CFAP54: variants seen among roughly 807,000 people sequenced by gnomAD.
CFAP54 encodes cilia- and flagella-associated protein 54.
A neutral mutation model predicts 370.4 loss-of-function variants in CFAP54; 290 were observed. That is an observed-to-expected ratio of 0.78 (90% confidence interval 0.71 to 0.86). The LOEUF (loss-of-function observed/expected upper bound fraction) is 0.86. Ranked by LOEUF, CFAP54 falls within the 40% of genes least tolerant of loss-of-function variation. The pLI, the probability that CFAP54 is intolerant of heterozygous loss-of-function variation, is 0.00. For missense variants in CFAP54, 3,399 were observed against 3,528.7 expected, an observed-to-expected ratio of 0.96 and a Z score of 0.93; for synonymous variants, 1,206 against 1,236.5, an observed-to-expected ratio of 0.98 and a Z score of 0.52.
chr12:96,557,018 T>C (rs1023866381), intron 17 of CFAP54, among the ~76,000 whole-genome samples: 16 of 152,156 alleles, frequency 1.1e-4, no homozygotes, highest in Admixed American at 6.6e-5. Context: ...AGTTTATCTA[T>C]GCAACAAACC....
intron 48 of CFAP54, among the ~76,000 whole-genome samples, chr12:96,715,003 T>C (rs200268801): frequency 6.6e-6 from 1 of 152,144 alleles, no homozygotes; most frequent in East Asian, 1.9e-4. Flanking sequence ...GCAGAGTGTA[T>C]AGGTTCACAT....
intron 28 of CFAP54, among the ~76,000 whole-genome samples, chr12:96,624,552 G>A (rs1005694584): frequency 6.6e-6 from 1 of 152,138 alleles, no homozygotes; most frequent in Non-Finnish European, 1.5e-5. Context: ...AGCCTGGAAG[G>A]TTACTTGGGA....
Position 96,744,142 on chromosome 12 carries a change from A to C in CFAP54, c.7680A>C (p.Arg2560Ser). The C allele has an allele frequency of 6.2e-7, 1 of 1,603,804 alleles. No homozygotes were observed. ...HVMLLAKIKM[R>S]IGHTVAKQVY... ...TGTTATTGGCCAAAATAAAAATGAG[A>C]ATTGGTAAGAACATTTAAACTTATA... Residue 2560 changes from arginine to serine, a missense_variant, in exon 55 of 68, where the codon AGA becomes AGC. This residue lies in a region of CFAP54 where 2,796 missense variants were observed against 2,869.7 expected (regional missense o/e 0.97). Transcript: ENST00000524981.
At chr12:96,668,916 G>A (rs2136531491) in intron 39 of CFAP54, among the ~76,000 whole-genome samples, 1 of 152,296 alleles carries the variant, frequency 6.6e-6, no homozygotes, top group Non-Finnish European at 1.5e-5. Flanking sequence ...TAGTCATTCA[G>A]CAAACATTTA....
intron 44 of CFAP54, among the ~76,000 whole-genome samples, chr12:96,692,303 T>C (rs1328937728): frequency 6.6e-6 from 1 of 152,218 alleles, no homozygotes; most frequent in East Asian, 1.9e-4. Context: ...AAGGGATTCA[T>C]TTCTGGGTTG....
intron 48 of CFAP54, among the ~76,000 whole-genome samples, chr12:96,716,032 C>T (rs369225006): frequency 1.3e-5 from 2 of 152,200 alleles, no homozygotes; most frequent in Non-Finnish European, 2.9e-5. Flanking sequence ...CAGCAGGTGA[C>T]ATCACCTCAC....
At chr12:96,631,561 C>A (rs1956607944) in intron 32 of CFAP54, among the ~76,000 whole-genome samples, 1 of 150,826 alleles carries the variant, frequency 6.6e-6, no homozygotes, top group South Asian at 2.1e-4. Context: ...AATTTCACTG[C>A]TGAATGGTAT....
At chr12:96,564,037 G>A (rs529560171) in intron 17 of CFAP54, among the ~76,000 whole-genome samples, 35 of 152,274 alleles carry the variant, frequency 2.3e-4, no homozygotes, top group African/African-American at 7.9e-4. Context: ...GGAGGTCTTC[G>A]TGTGTTACCC....
intron 39 of CFAP54, among the ~76,000 whole-genome samples, chr12:96,668,468 A>T (rs1957105786): frequency 6.6e-6 from 1 of 152,172 alleles, no homozygotes; most frequent in Non-Finnish European, 1.5e-5. Context: ...CAGGCAAGAG[A>T]GTGTGTGCAG....
In CFAP54 at chr12:96,718,526, A is replaced by C; in HGVS notation, c.6804+4A>C. On this transcript the variant is annotated splice_donor_region_variant and intron_variant, in intron 49 of 67. Transcript: ENST00000524981. The stretch of plus-strand genomic sequence containing the variant: ...GATCACTCTTAGCATGCTAAAGGTA[A>C]GTTTGAAACTGTTTTCAAACCATTA... 1.3e-6 allele frequency: 2 copies of C among 1,535,542 alleles called. No homozygotes were observed. Among genetic ancestry groups the C allele is most frequent in the African/African-American group, 2.7e-5 (2 of 72,942 alleles).
chr12:96,770,918 A>T (rs1214149746), intron 60 of CFAP54, among the ~76,000 whole-genome samples: 1 of 152,266 alleles, frequency 6.6e-6, no homozygotes, highest in Non-Finnish European at 1.5e-5. Flanking sequence ...AGGAACTTAA[A>T]ATGCAGAATT....
rs60264480 is a variant in CFAP54, at chr12:96,822,002, T to C, written c.9096+4089T>C. On this transcript the variant is annotated intron_variant, in intron 65 of 67. Coordinates refer to ENST00000524981, the MANE Select transcript of CFAP54 (RefSeq NM_001306084.2). ...ATCTTGTTTTCTTCTTCACTCCCTTTTATGTATATCCCCCCAAAACCCTAG... is the reference window on the plus strand; with the variant it reads ...ATCTTGTTTTCTTCTTCACTCCCTTCTATGTATATCCCCCCAAAACCCTAG... Among the ~76,000 whole-genome samples the C allele has an allele frequency of 3.4e-3, 511 of 152,282 alleles. 6 individuals carry two copies. Among genetic ancestry groups the C allele is most frequent in the African/African-American group, 0.011 (476 of 41,562 alleles).
intron 30 of CFAP54, among the ~76,000 whole-genome samples, chr12:96,628,209 A>G (rs1010103410): frequency 6.6e-6 from 1 of 152,260 alleles, no homozygotes; most frequent in Non-Finnish European, 1.5e-5. Context: ...TAAGTGACAC[A>G]TGGCTGTATA....
Position 96,728,327 on chromosome 12 carries a change from A to ATTT in CFAP54, c.6965+7763_6965+7765dup, listed in dbSNP as rs548661364. On this transcript the variant is annotated intron_variant, in intron 50 of 67. Transcript: ENST00000524981. The stretch of plus-strand genomic sequence containing the variant: ...TTTCAGGTACACCAATCAGATGCAG[A>ATTT]TTTGGTGTTTTCACATAGTCCCATA... 3.8e-3 allele frequency among the ~76,000 whole-genome samples: 579 copies of ATTT among 152,250 alleles called. 4 individuals carry two copies. The highest frequency in any genetic ancestry group is 0.013 in the African/African-American group (557 of 41,544).
Position 96,546,191 on chromosome 12 carries a change from C to A in CFAP54, c.2078-1711C>A, listed in dbSNP as rs571228748. On this transcript the variant is annotated intron_variant, in intron 14 of 67. Coordinates refer to ENST00000524981, the MANE Select transcript of CFAP54 (RefSeq NM_001306084.2). ...GGACTGAGTCCTCAATCTGTGTGAT[C>A]TGACTCTATCTGCAAGGTAGTGTTG... Among the ~76,000 whole-genome samples the A allele has an allele frequency of 9.2e-5, 14 of 152,230 alleles. No individual in the cohort carries two copies. In the East Asian group the frequency reaches 2.7e-3, roughly 29 times the overall value.
chr12:96,697,573 T>A (rs1957450534), intron 45 of CFAP54, among the ~76,000 whole-genome samples: 1 of 152,216 alleles, frequency 6.6e-6, no homozygotes, highest in Admixed American at 6.5e-5. Context: ...TAGCCCACCT[T>A]TTTATTTCTT....
At chr12:96,575,713 T>C (rs1280356560) in intron 19 of CFAP54, among the ~76,000 whole-genome samples, 1 of 152,136 alleles carries the variant, frequency 6.6e-6, no homozygotes, top group Non-Finnish European at 1.5e-5. Flanking sequence ...TAATCTTAGC[T>C]CTTACATCTG....
chr12:96,811,305 G>A (rs1258071671), intron 63 of CFAP54, among the ~76,000 whole-genome samples: 2 of 152,142 alleles, frequency 1.3e-5, no homozygotes, highest in East Asian at 1.9e-4. Context: ...GCTGTGTGTG[G>A]ATTGGATAAA....
intron 63 of CFAP54, among the ~76,000 whole-genome samples, chr12:96,794,902 C>T (rs1234316296): frequency 6.6e-6 from 1 of 152,146 alleles, no homozygotes; most frequent in East Asian, 1.9e-4. Flanking sequence ...TCAGGGGCTT[C>T]TGTTGAGATT....
Sources: gnomAD v4.1 joint callset for allele counts (sites outside exome capture counted in the v4.1 genomes callset) on GRCh38, gnomAD v4.1.1 for gene constraint, gnomAD v4.1.1 regional missense constraint, MANE v1.5 for transcripts, NCBI Gene and HGNC (gene_info 2026-07-23, HGNC 2026-07-21) for gene names.